Variants in RIMBP2 observed in about 807,000 individuals in gnomAD.
RIMBP2 encodes the protein RIMS binding protein 2.
RIMBP2 carries 48 observed loss-of-function variants against 118.6 expected under a neutral mutation model. The ratio of observed to expected loss-of-function variants is 0.40; its 90% confidence interval spans 0.32 to 0.51. RIMBP2 has a LOEUF of 0.51. RIMBP2 is among the 20% of genes least tolerant of loss of function. The probability of loss-of-function intolerance (pLI) is 0.41; values close to 1 mark genes in which losing one functional copy is unlikely to be tolerated. For missense variants in RIMBP2, 1,551 were observed against 1,768.3 expected (o/e 0.88, Z 2.20); for synonymous variants, 762 against 742.9 (o/e 1.03, Z -0.42).
chr12:130,431,408 C>G lies in RIMBP2; in HGVS notation c.2254-3071G>C. 5.0e-6 allele frequency: 2 copies of G among 401,582 alleles called. No homozygotes were observed. Among genetic ancestry groups the G allele is most frequent in the Non-Finnish European group, 1.0e-5 (2 of 193,836 alleles). The allele number at this position is 401,582 out of a possible 1,614,324, so 24.9% of individuals were successfully genotyped here. A position where few individuals can be genotyped will look rare whatever the true frequency, so the allele number is the denominator to read the frequency against. ...GTGCACCAGCTCAACTTCAGTCACT[C>G]CCTACCACTGTCATGATGCGTCACC... On this transcript the variant is annotated intron_variant, in intron 14 of 22. Transcript: ENST00000690449. This position sits in a 1 kb window ranked among gnomAD's most constrained non-coding sequence, Gnocchi z 4.0.
intron 2 of RIMBP2, among the ~76,000 whole-genome samples, chr12:130,585,495 C>G (rs1230608008): frequency 6.6e-6 from 1 of 151,826 alleles, no homozygotes; most frequent in African/African-American, 2.4e-5. Flanking sequence ...GCCTGTAGTC[C>G]CAGCTACTCG....
chr12:130,576,818 C>T lies in RIMBP2; in HGVS notation c.-217+51504G>A, dbSNP rs961755029. Reference sequence around the variant, plus strand: ...CACCAGGATGGAGATTGCAGGATGGCGTGTTTCCATCGCGTGTCCAGGCGC... The same window carrying T: ...CACCAGGATGGAGATTGCAGGATGGTGTGTTTCCATCGCGTGTCCAGGCGC... On this transcript the variant is annotated intron_variant, in intron 2 of 22. Transcript: ENST00000690449. This position sits in a 1 kb window ranked among gnomAD's most constrained non-coding sequence, Gnocchi z 4.2. Among the ~76,000 whole-genome samples, 4 of 152,198 alleles carry T rather than the reference C, an allele frequency of 2.6e-5. No homozygotes were observed.
intron 1 of RIMBP2, among the ~76,000 whole-genome samples, chr12:130,655,300 C>G (rs2063378592): frequency 6.6e-6 from 1 of 152,224 alleles, no homozygotes. Flanking sequence ...TCTGAAATTA[C>G]CTCGTTATAT....
At chr12:130,681,992 C>T (rs546323643) in intron 1 of RIMBP2, among the ~76,000 whole-genome samples, 1 of 152,352 alleles carries the variant, frequency 6.6e-6, no homozygotes, top group Admixed American at 6.5e-5. Context: ...CCACCGTGCC[C>T]AGCCATGCAA....
intron 2 of RIMBP2, among the ~76,000 whole-genome samples, chr12:130,583,535 C>T (rs1200596313): frequency 6.6e-6 from 1 of 151,628 alleles, no homozygotes; most frequent in Non-Finnish European, 1.5e-5. Context: ...CTATCACAAC[C>T]ATTACATCAT....
chr12:130,670,657 A>G lies in RIMBP2; in HGVS notation c.-351-42201T>C, dbSNP rs1000813594. On this transcript the variant is annotated intron_variant, in intron 1 of 22. Transcript: ENST00000690449. The surrounding 1 kb of genome is among the most constrained non-coding windows in gnomAD (Gnocchi z 4.9). Reference sequence around the variant, plus strand: ...CCCGCCTCCACTAGAGAGGCTGGAAAGGAGAAACGCTCACTGTCCCACCCT... The same window carrying G: ...CCCGCCTCCACTAGAGAGGCTGGAAGGGAGAAACGCTCACTGTCCCACCCT... Among the ~76,000 whole-genome samples the G allele has an allele frequency of 1.3e-5, 2 of 152,206 alleles. No homozygotes were observed. The highest frequency in any genetic ancestry group is 2.9e-5 in the Non-Finnish European group (2 of 68,030).
chr12:130,514,899 C>T (rs867618214), intron 3 of RIMBP2, among the ~76,000 whole-genome samples: 2 of 151,946 alleles, frequency 1.3e-5, no homozygotes, highest in South Asian at 2.1e-4. Flanking sequence ...TTTTTTGAGA[C>T]AGAGTCTTGC....
intron 1 of RIMBP2, among the ~76,000 whole-genome samples, chr12:130,713,802 G>A (rs540110889): frequency 6.6e-6 from 1 of 152,302 alleles, no homozygotes; most frequent in South Asian, 2.1e-4. Flanking sequence ...TGGCACTTGC[G>A]GGTCTAGACC....
At chr12:130,656,133 T>C (rs1030729373) in intron 1 of RIMBP2, among the ~76,000 whole-genome samples, 3 of 152,108 alleles carry the variant, frequency 2.0e-5, no homozygotes, top group Non-Finnish European at 4.4e-5. Flanking sequence ...GAGGTTTCTG[T>C]GTGGGCCCCG....
In RIMBP2 at chr12:130,587,609, C is replaced by T. The variant is rs1458735716; in HGVS notation, c.-217+40713G>A. Among the ~76,000 whole-genome samples, 23 of 91,618 alleles carry T rather than the reference C, an allele frequency of 2.5e-4. 1 individual carries two copies. Among genetic ancestry groups the T allele is most frequent in the African/African-American group, 1.0e-3 (23 of 22,284 alleles). The allele number at this position is 91,618 out of a possible 152,430, so 60.1% of individuals were successfully genotyped here. A position where few individuals can be genotyped will look rare whatever the true frequency, so the allele number is the denominator to read the frequency against. On this transcript the variant is annotated intron_variant, in intron 2 of 22. Coordinates refer to ENST00000690449, the MANE Select transcript of RIMBP2 (RefSeq NM_001393629.1). ...AAACCAAACACCGCATATTCTCACT[C>T]ATAGGTGGGAATTGAACAATGAGAT...
intron 6 of RIMBP2, among the ~76,000 whole-genome samples, chr12:130,462,824 T>C (rs1411961274): frequency 6.6e-6 from 1 of 152,240 alleles, no homozygotes; most frequent in African/African-American, 2.4e-5. Flanking sequence ...CACCAGCACG[T>C]GCTCCGTAAA....
intron 2 of RIMBP2, among the ~76,000 whole-genome samples, chr12:130,586,421 G>A (rs769564136): frequency 2.0e-5 from 3 of 152,140 alleles, no homozygotes; most frequent in African/African-American, 4.8e-5. Context: ...CACAGCACTC[G>A]AGCCTGGGCA....
intron 2 of RIMBP2, among the ~76,000 whole-genome samples, chr12:130,539,864 G>A (rs895515156): frequency 8.0e-6 from 1 of 124,230 alleles, no homozygotes; most frequent in Non-Finnish European, 1.7e-5. Flanking sequence ...TGTAGGATAT[G>A]GCAAATGCAG....
chr12:130,710,022 C>G lies in RIMBP2; in HGVS notation c.-352+6200G>C, dbSNP rs2136874444. ...GATGGAAATGACAAAAAGTACACCACTGGCCCCCTGGTTTCCGGGTATCCC... is the reference window on the plus strand; with the variant it reads ...GATGGAAATGACAAAAAGTACACCAGTGGCCCCCTGGTTTCCGGGTATCCC... On this transcript the variant is annotated intron_variant, in intron 1 of 22. Coordinates refer to ENST00000690449, the MANE Select transcript of RIMBP2 (RefSeq NM_001393629.1). This position sits in a 1 kb window ranked among gnomAD's most constrained non-coding sequence, Gnocchi z 4.3. 6.6e-6 allele frequency among the ~76,000 whole-genome samples: 1 copy of G among 152,298 alleles called. No homozygotes were observed. The highest frequency in any genetic ancestry group is 3.4e-3 in the Middle Eastern group (1 of 294).
chr12:130,662,507 C>T (rs2398525), intron 1 of RIMBP2, among the ~76,000 whole-genome samples: 82,525 of 151,756 alleles, frequency 0.54, 23,045 homozygotes, highest in Non-Finnish European at 0.62. Flanking sequence ...AATTCAAAAA[C>T]TAGCTGGGCA....
rs376843379 is a variant in RIMBP2, at chr12:130,428,342, G to A, written c.2254-5C>T. The A allele has an allele frequency of 1.2e-6, 2 of 1,601,424 alleles. No homozygotes were observed. The highest frequency in any genetic ancestry group is 1.7e-6 in the Non-Finnish European group (2 of 1,173,516). The stretch of plus-strand genomic sequence containing the variant: ...GTCTCCATGGCAACAGTGCGGCTGG[G>A]GGCCAAGAAAAGGGGCTACTGAGCG... On this transcript the variant is annotated splice_region_variant and splice_polypyrimidine_tract_variant and intron_variant, in intron 14 of 22. Transcript: ENST00000690449.
intron 1 of RIMBP2, among the ~76,000 whole-genome samples, chr12:130,655,743 C>T (rs1005474118): frequency 2.0e-5 from 3 of 152,208 alleles, no homozygotes; most frequent in Admixed American, 1.3e-4. Context: ...ACACCATCAA[C>T]TTCAGCTCTC....
intron 1 of RIMBP2, among the ~76,000 whole-genome samples, chr12:130,692,223 C>G (rs2065339906): frequency 6.6e-6 from 1 of 152,076 alleles, no homozygotes; most frequent in African/African-American, 2.4e-5. Flanking sequence ...AGGAGAGTCC[C>G]CCTGAGATGG....
At chr12:130,515,897 C>T (rs1001810539) in intron 3 of RIMBP2, among the ~76,000 whole-genome samples, 1 of 152,008 alleles carries the variant, frequency 6.6e-6, no homozygotes, top group Non-Finnish European at 1.5e-5. Context: ...GGGGTTTTGC[C>T]ATGTTAGCCA....
Sources: allele counts gnomAD v4.1 joint callset (sites outside exome capture counted in the v4.1 genomes callset), GRCh38; gene constraint gnomAD v4.1.1; non-coding constraint Gnocchi (gnomAD v3.1); transcripts MANE v1.5; gene names NCBI Gene and HGNC (gene_info 2026-07-23, HGNC 2026-07-21).